GRIN2B: variants seen among roughly 807,000 people sequenced by gnomAD.
GRIN2B encodes glutamate ionotropic receptor NMDA type subunit 2B.
A neutral mutation model predicts 114.5 loss-of-function variants in GRIN2B; 5 were observed. That is an observed-to-expected ratio of 0.04 (90% confidence interval 0.02 to 0.09). The LOEUF (loss-of-function observed/expected upper bound fraction) is 0.09. Among genes scored for constraint, GRIN2B ranks in the 10% least tolerant of loss-of-function variants. The probability of loss-of-function intolerance (pLI) is 1.00; values close to 1 mark genes in which losing one functional copy is unlikely to be tolerated. For missense variants in GRIN2B, 1,108 were observed against 1,943.5 expected (o/e 0.57, Z 8.08); for synonymous variants, 787 against 745.1 (o/e 1.06, Z -0.92).
rs938750244 is a variant in GRIN2B, at chr12:13,545,736, C to T, written c.*17047G>A. 6.6e-6 allele frequency: 1 copy of T among 152,002 alleles called. No individual in the cohort carries two copies. The highest frequency in any genetic ancestry group is 1.5e-5 in the Non-Finnish European group (1 of 68,014). 9.4% of individuals were successfully genotyped at this position (152,002 alleles called of 1,614,324 possible). On this transcript the variant is annotated 3_prime_UTR_variant, in exon 14 of 14. Coordinates refer to ENST00000609686, the MANE Select transcript of GRIN2B (RefSeq NM_000834.5). Reference sequence around the variant, plus strand: ...GTTTCATTAATCTATGGCACTTTGTCCCTCCTCTCCCCTGCGGCCTAACTC... The same window carrying T: ...GTTTCATTAATCTATGGCACTTTGTTCCTCCTCTCCCCTGCGGCCTAACTC...
chr12:13,696,129 G>C (rs975802994), intron 4 of GRIN2B, among the ~76,000 whole-genome samples: 2 of 152,170 alleles, frequency 1.3e-5, no homozygotes, highest in African/African-American at 4.8e-5. Flanking sequence ...AAGAAGAAAT[G>C]CTTGGGAGTC....
chr12:13,727,078 G>C (rs12317264), intron 4 of GRIN2B, among the ~76,000 whole-genome samples: 24,879 of 152,088 alleles, frequency 0.16, 2,593 homozygotes, highest in Non-Finnish European at 0.24. Context: ...GAAAGAACTA[G>C]AGCAACCAGA....
intron 4 of GRIN2B, among the ~76,000 whole-genome samples, chr12:13,706,071 T>G (rs1230279409): frequency 6.6e-6 from 1 of 152,052 alleles, no homozygotes; most frequent in East Asian, 1.9e-4. Flanking sequence ...ATCTCTGGAG[T>G]GCTTCAAGGA....
intron 3 of GRIN2B, among the ~76,000 whole-genome samples, chr12:13,795,979 G>A (rs1338241807): frequency 1.3e-5 from 2 of 151,416 alleles, no homozygotes; most frequent in East Asian, 2.0e-4. Flanking sequence ...AAAACCTAAT[G>A]TAAATGACGA....
chr12:13,964,670 C>T (rs1565602937), intron 2 of GRIN2B, among the ~76,000 whole-genome samples: 1 of 152,136 alleles, frequency 6.6e-6, no homozygotes, highest in East Asian at 1.9e-4. Flanking sequence ...GTAGATTTTT[C>T]AGGGAAGAGG....
intron 3 of GRIN2B, among the ~76,000 whole-genome samples, chr12:13,819,615 C>T (rs772914235): frequency 6.6e-6 from 1 of 152,140 alleles, no homozygotes; most frequent in Non-Finnish European, 1.5e-5. Flanking sequence ...GGGCAAGATG[C>T]TATAATCAAA....
At chr12:13,588,518 C>T (rs1948962759) in intron 10 of GRIN2B, among the ~76,000 whole-genome samples, 1 of 152,122 alleles carries the variant, frequency 6.6e-6, no homozygotes, top group African/African-American at 2.4e-5. Flanking sequence ...GTAAGTCTGG[C>T]CTGACAAAAG....
At chr12:13,927,986 G>A (rs112399354) in intron 2 of GRIN2B, among the ~76,000 whole-genome samples, 5,884 of 40,026 alleles carry the variant, frequency 0.15, 205 homozygotes, top group East Asian at 0.28. Flanking sequence ...AAAAAAAGGG[G>A]GGGTATGCTG....
At chr12:13,761,478 T>C (rs867002790) in intron 3 of GRIN2B, among the ~76,000 whole-genome samples, 3 of 152,236 alleles carry the variant, frequency 2.0e-5, no homozygotes, top group South Asian at 2.1e-4. Context: ...AAGGAACAGG[T>C]AGATTCCCCA....
intron 2 of GRIN2B, among the ~76,000 whole-genome samples, chr12:13,938,986 GGAAA>G (rs1867182432): frequency 6.6e-6 from 1 of 152,206 alleles, no homozygotes; most frequent in East Asian, 1.9e-4. Context: ...CGCTCATTCA[GGAAA>G]GAAAGAAAAG....
chr12:13,615,028 A>G lies in GRIN2B; in HGVS notation c.1654+86T>C. ...CCTAGCAAACCACCTTCTAGCTGGA[A>G]CAGCCTGGCCATGTGCTCCTTTTTT... On this transcript the variant is annotated intron_variant, in intron 8 of 13. Coordinates refer to ENST00000609686, the MANE Select transcript of GRIN2B (RefSeq NM_000834.5). This position sits in a 1 kb window ranked among gnomAD's most constrained non-coding sequence, Gnocchi z 5.8. 3 of 1,233,530 alleles carry G rather than the reference A, an allele frequency of 2.4e-6. No individual in the cohort carries two copies. The highest frequency in any genetic ancestry group is 2.4e-5 in the South Asian group (2 of 82,958). 76.4% of individuals were successfully genotyped at this position (1,233,530 alleles called of 1,614,324 possible).
At position 13,904,611 on chromosome 12, in the gene GRIN2B, T is replaced by C. The variant is rs146596076; in HGVS notation, c.-18-38385A>G. Among the ~76,000 whole-genome samples, 468 of 152,276 alleles carry C rather than the reference T, an allele frequency of 3.1e-3. 3 individuals are homozygous for C. Among genetic ancestry groups the C allele is most frequent in the African/African-American group, 0.01 (427 of 41,590 alleles). On this transcript the variant is annotated intron_variant, in intron 2 of 13. Transcript: ENST00000609686. ...TCTCAGACATTTCATCTTGGGCTTA[T>C]GTTCATTAGAATATCGTTTACTGAA...
chr12:13,957,979 A>T (rs1021540280), intron 2 of GRIN2B, among the ~76,000 whole-genome samples: 1 of 152,144 alleles, frequency 6.6e-6, no homozygotes, highest in African/African-American at 2.4e-5. Flanking sequence ...AAATTAACTG[A>T]AATTCTCCAT....
chr12:13,656,859 T>C (rs1949869573), intron 5 of GRIN2B, among the ~76,000 whole-genome samples: 2 of 152,192 alleles, frequency 1.3e-5, no homozygotes, highest in Non-Finnish European at 2.9e-5. Context: ...AATCCAACCC[T>C]CTTGTTTTAT....
chr12:13,980,541 G>C (rs1265804401), intron 1 of GRIN2B, among the ~76,000 whole-genome samples, 185 bp from the exon 2 acceptor site: 1 of 152,102 alleles, frequency 6.6e-6, no homozygotes, highest in African/African-American at 2.4e-5. Context: ...ATTCAGAAAA[G>C]GTCTGGCTAT....
At chr12:13,646,564 G>A (rs887327739) in intron 5 of GRIN2B, among the ~76,000 whole-genome samples, 6 of 152,042 alleles carry the variant, frequency 3.9e-5, no homozygotes, top group East Asian at 1.9e-4. Context: ...TGTTTTAATC[G>A]CAAAGGTGAT....
intron 3 of GRIN2B, among the ~76,000 whole-genome samples, chr12:13,836,895 C>T (rs938430870): frequency 1.3e-5 from 2 of 152,218 alleles, no homozygotes; most frequent in East Asian, 1.9e-4. Context: ...ACCTGATGAG[C>T]CCCGTACGGC....
chr12:13,616,770 G>A, intron 5 of GRIN2B, 113 bp from the exon 6 acceptor site: 2 of 819,500 alleles, frequency 2.4e-6, no homozygotes, highest in Non-Finnish European at 2.1e-6. Context: ...GCCAACAAGT[G>A]CCAACATTGT....
chr12:13,890,756 C>T (rs532649153), intron 2 of GRIN2B, among the ~76,000 whole-genome samples: 1 of 152,198 alleles, frequency 6.6e-6, no homozygotes, highest in Non-Finnish European at 1.5e-5. Context: ...CATGGAAGGG[C>T]CCATGAAATT....
Sources: allele counts gnomAD v4.1 joint callset (sites outside exome capture counted in the v4.1 genomes callset), GRCh38; gene constraint gnomAD v4.1.1; non-coding constraint Gnocchi (gnomAD v3.1); transcripts MANE v1.5; gene names NCBI Gene and HGNC (gene_info 2026-07-23, HGNC 2026-07-21).